R3HCC1L: variants seen among roughly 807,000 people sequenced by gnomAD.
R3HCC1L encodes R3H domain and coiled-coil containing 1 like.
R3HCC1L carries 51 observed loss-of-function variants against 59.9 expected under a neutral mutation model. The observed-to-expected ratio is 0.85, with a 90% CI of 0.68 to 1.07. The LOEUF (loss-of-function observed/expected upper bound fraction) is 1.07. Among genes scored for constraint, R3HCC1L ranks in the 50% least tolerant of loss-of-function variants. The pLI, the probability that R3HCC1L is intolerant of heterozygous loss-of-function variation, is 0.00. For synonymous variants in R3HCC1L, 322 were observed against 315.2 expected, an observed-to-expected ratio of 1.02 and a Z score of -0.23; for missense variants, 965 against 933.0, an observed-to-expected ratio of 1.03 and a Z score of -0.45.
At chr10:98,186,581 T>C in intron 4 of R3HCC1L, 1 of 876,474 alleles carries the variant, frequency 1.1e-6, no homozygotes, top group East Asian at 1.2e-4. Context: ...CCATTGCCAC[T>C]AACAGTTGTG....
chr10:98,186,707 C>G (rs911018600), intron 4 of R3HCC1L: 1 of 171,216 alleles, frequency 5.8e-6, no homozygotes, highest in African/African-American at 2.4e-5. Flanking sequence ...TCATATGATT[C>G]AAGATTTCAG....
rs1229265368 is a variant in R3HCC1L at position 98,153,625 on chromosome 10, AAAAAAAG to A, written c.-267-2465_-267-2459del. Among the ~76,000 whole-genome samples, 3 of 151,290 alleles carry A rather than the reference AAAAAAAG, an allele frequency of 2.0e-5. No individual in the cohort carries two copies. The East Asian group carries it at 5.8e-4, about 29-fold the overall frequency. Reference sequence around the variant, plus strand: ...ATGATCAATTAAAAAAAAAAAAAAAAAAAAAAGAAGTTTAGACACAACAGCTGACCAG... The same window carrying A: ...ATGATCAATTAAAAAAAAAAAAAAAAAAGTTTAGACACAACAGCTGACCAG... On this transcript the variant is annotated intron_variant, in intron 1 of 9. Coordinates refer to ENST00000298999, the MANE Select transcript of R3HCC1L (RefSeq NM_001351015.2).
chr10:98,143,469 A>G (rs1234776029), intron 1 of R3HCC1L, among the ~76,000 whole-genome samples: 1 of 152,210 alleles, frequency 6.6e-6, no homozygotes, highest in Non-Finnish European at 1.5e-5. Flanking sequence ...TTCCTCCAGT[A>G]TTAGTCACTG....
chr10:98,222,351 C>A (rs1021352496), intron 5 of R3HCC1L, among the ~76,000 whole-genome samples: 1 of 151,830 alleles, frequency 6.6e-6, no homozygotes, highest in African/African-American at 2.4e-5. Flanking sequence ...TTCCTCTTTT[C>A]CTAATTGAAT....
At chr10:98,234,962 C>T (rs961585980) in intron 7 of R3HCC1L, among the ~76,000 whole-genome samples, 3 of 152,178 alleles carry the variant, frequency 2.0e-5, no homozygotes, top group African/African-American at 7.2e-5. Flanking sequence ...AGATCTGATG[C>T]AGAGGCATTC....
At chr10:98,151,203 G>C (rs1307438465) in intron 1 of R3HCC1L, among the ~76,000 whole-genome samples, 1 of 152,146 alleles carries the variant, frequency 6.6e-6, no homozygotes, top group Admixed American at 6.5e-5. Context: ...TTGCTTCTAC[G>C]CTGCCATTTT....
chr10:98,164,549 A>G (rs185278339), intron 4 of R3HCC1L, among the ~76,000 whole-genome samples: 46 of 152,190 alleles, frequency 3.0e-4, no homozygotes, highest in African/African-American at 1.1e-3. Flanking sequence ...ATCTCCTTGT[A>G]CCTGTCTTAT....
intron 5 of R3HCC1L, among the ~76,000 whole-genome samples, chr10:98,223,933 A>ATGGTAGGAGCAGCAGTGGGCTATCCCTC (rs1261060758): frequency 1.3e-5 from 2 of 151,866 alleles, no homozygotes; most frequent in Non-Finnish European, 2.9e-5. Context: ...TGTTTTGGTG[A>ATGGTAGGAGCAGCAGTGGGCTATCCCTC]TGGTAGGAGC....
chr10:98,144,461 A>ACCCCCG lies in R3HCC1L; in HGVS notation c.-268+9757_-268+9758insCCCGCC, dbSNP rs368831207. Reference sequence around the variant, plus strand: ...AAACTCCTGACCTTGTGATCTGCCCACCTCCGCCTCCCAAAGTGCTGGGAT... The same window carrying ACCCCCG: ...AAACTCCTGACCTTGTGATCTGCCCACCCCCGCCTCCGCCTCCCAAAGTGCTGGGAT... On this transcript the variant is annotated intron_variant, in intron 1 of 9. Coordinates refer to ENST00000298999, the MANE Select transcript of R3HCC1L (RefSeq NM_001351015.2). Among the ~76,000 whole-genome samples, 425 of 152,092 alleles carry ACCCCCG rather than the reference A, an allele frequency of 2.8e-3. 2 individuals are homozygous for ACCCCCG. The highest frequency in any genetic ancestry group is 0.01 in the Middle Eastern group (3 of 294).
chr10:98,221,773 T>G (rs1855006061), intron 5 of R3HCC1L, among the ~76,000 whole-genome samples: 1 of 152,242 alleles, frequency 6.6e-6, no homozygotes, highest in African/African-American at 2.4e-5. Context: ...GCTGTTTTGG[T>G]TACTGTAGCC....
At chr10:98,193,575 A>C (rs571011398) in intron 4 of R3HCC1L, among the ~76,000 whole-genome samples, 2 of 152,144 alleles carry the variant, frequency 1.3e-5, no homozygotes, top group Non-Finnish European at 1.5e-5. Context: ...CATACATTGA[A>C]AACTATAAAA....
chr10:98,172,956 C>G lies in R3HCC1L; in HGVS notation c.-15+9559C>G, dbSNP rs143089359. Among the ~76,000 whole-genome samples the G allele has an allele frequency of 2.0e-5, 3 of 152,246 alleles. No homozygotes were observed. The East Asian group carries it at 5.8e-4, about 29-fold the overall frequency. On this transcript the variant is annotated intron_variant, in intron 4 of 9. Coordinates refer to ENST00000298999, the MANE Select transcript of R3HCC1L (RefSeq NM_001351015.2). ...TTTTGCTTAACACTCTGGGTACTTA[C>G]AGTAATTCTGTCATTGTGGTACTTA...
intron 1 of R3HCC1L, among the ~76,000 whole-genome samples, chr10:98,135,744 TC>T (rs1564970780): frequency 6.6e-6 from 1 of 152,186 alleles, no homozygotes; most frequent in African/African-American, 2.4e-5. Context: ...AGACTCTTCT[TC>T]CTCAGCACAC....
intron 5 of R3HCC1L, chr10:98,211,372 G>A: frequency 6.6e-7 from 1 of 1,525,362 alleles, no homozygotes; most frequent in Non-Finnish European, 8.8e-7. Context: ...ATCTATATCA[G>A]AATGTGAGTA....
At chr10:98,234,109 TTTC>T (rs1218694445) in intron 6 of R3HCC1L, among the ~76,000 whole-genome samples, 1 of 152,144 alleles carries the variant, frequency 6.6e-6, no homozygotes, top group Non-Finnish European at 1.5e-5. Context: ...CCTCTTTCCA[TTTC>T]TTCTCATTCC....
At chr10:98,199,775 T>C (rs553494553) in intron 4 of R3HCC1L, among the ~76,000 whole-genome samples, 11 of 152,146 alleles carry the variant, frequency 7.2e-5, no homozygotes, top group Middle Eastern at 3.4e-3. Context: ...ATGAAAACAT[T>C]TTACTATATG....
Position 98,209,359 on chromosome 10 carries a change from T to G in R3HCC1L, c.1245T>G (p.Phe415Leu). The change falls in exon 5 of 10, where the codon TTT becomes TTG. Residue 415 changes from phenylalanine (F) to leucine (L), a missense_variant. Transcript: ENST00000298999. The stretch of plus-strand genomic sequence containing the variant: ...TTAATACACGAAGTTTCTCAAAGTT[T>G]GTAGGAATGAGTGCAGATGCAACCC... ...TSINTRSFSK[F>L]VGMSADATPL... 6.2e-7 allele frequency: 1 copy of G among 1,614,036 alleles called. No homozygotes were observed. Among genetic ancestry groups the G allele is most frequent in the Non-Finnish European group, 8.5e-7 (1 of 1,179,996 alleles).
At chr10:98,155,358 T>G (rs967922683) in intron 1 of R3HCC1L, among the ~76,000 whole-genome samples, 5 of 152,202 alleles carry the variant, frequency 3.3e-5, no homozygotes. Context: ...AATTATTTGC[T>G]TAAATTTTTT....
At chr10:98,230,434 T>G (rs1377494829) in intron 5 of R3HCC1L, among the ~76,000 whole-genome samples, 1 of 152,148 alleles carries the variant, frequency 6.6e-6, no homozygotes, top group Admixed American at 6.6e-5. Context: ...GATATCCCCT[T>G]TATCATTTTT....
Sources: allele counts gnomAD v4.1 joint callset (sites outside exome capture counted in the v4.1 genomes callset), GRCh38; gene constraint gnomAD v4.1.1; transcripts MANE v1.5; gene names NCBI Gene and HGNC (gene_info 2026-07-23, HGNC 2026-07-21).